Variants in ARHGAP15 observed in about 807,000 individuals in gnomAD.
The protein encoded by ARHGAP15 is Rho GTPase activating protein 15.
Under a neutral mutation model 63.7 loss-of-function variants are expected in ARHGAP15, and 51 were observed. The observed-to-expected ratio is 0.80, with a 90% confidence interval of 0.64 to 1.01. The LOEUF is 1.01. Ranked by LOEUF, ARHGAP15 falls within the 50% of genes least tolerant of loss-of-function variation. The probability of loss-of-function intolerance (pLI) is 0.00; values close to 1 mark genes in which losing one functional copy is unlikely to be tolerated. For synonymous variants in ARHGAP15, 191 were observed against 193.8 expected, an observed-to-expected ratio of 0.99 and a Z score of 0.12; for missense variants, 560 against 564.6, an observed-to-expected ratio of 0.99 and a Z score of 0.08.
rs553558878 is a variant in ARHGAP15 at position 143,163,910 on chromosome 2, C to T, written c.165+8255C>T. On this transcript the variant is annotated intron_variant, in intron 2 of 13. Transcript: ENST00000295095. ...CCTTGAGAATCACACAATTACTTTG[C>T]CTTTCTGCTCCTCAGAGAGTGCAGG... Among the ~76,000 whole-genome samples the T allele has an allele frequency of 3.6e-4, 55 of 152,102 alleles. No individual in the cohort carries two copies. The South Asian group carries it at 6.8e-3, about 19-fold the overall frequency.
At chr2:143,422,744 G>A (rs1688977566) in intron 6 of ARHGAP15, among the ~76,000 whole-genome samples, 1 of 152,140 alleles carries the variant, frequency 6.6e-6, no homozygotes, top group South Asian at 2.1e-4. Context: ...TCAGTGAGGT[G>A]CAATGAGGAT....
At chr2:143,353,316 A>G (rs1479701464) in intron 6 of ARHGAP15, among the ~76,000 whole-genome samples, 1 of 152,138 alleles carries the variant, frequency 6.6e-6, no homozygotes, top group Non-Finnish European at 1.5e-5. Context: ...TAAAAGATTG[A>G]CATTGAATGT....
intron 10 of ARHGAP15, among the ~76,000 whole-genome samples, chr2:143,541,154 G>T (rs1421354382): frequency 2.0e-5 from 3 of 151,954 alleles, no homozygotes; most frequent in Admixed American, 6.6e-5. Context: ...TACCCTTTCT[G>T]CCAGTTGATC....
chr2:143,758,764 T>C (rs1006911495), intron 13 of ARHGAP15, among the ~76,000 whole-genome samples: 13 of 152,176 alleles, frequency 8.5e-5, no homozygotes, highest in Admixed American at 3.3e-4. Flanking sequence ...CTTGATAATC[T>C]GGTGCTGGTT....
At chr2:143,510,735 A>G (rs1034569777) in intron 9 of ARHGAP15, among the ~76,000 whole-genome samples, 1 of 151,932 alleles carries the variant, frequency 6.6e-6, no homozygotes, top group Non-Finnish European at 1.5e-5. Context: ...TAATTGTCTG[A>G]TTTGTTTTTG....
At chr2:143,364,926 A>C (rs2105344323) in intron 6 of ARHGAP15, among the ~76,000 whole-genome samples, 1 of 152,282 alleles carries the variant, frequency 6.6e-6, no homozygotes, top group South Asian at 2.1e-4. Context: ...GAATTGCTTG[A>C]AACCAGGAGG....
chr2:143,672,145 A>C (rs1228318366), intron 12 of ARHGAP15, among the ~76,000 whole-genome samples: 1 of 152,232 alleles, frequency 6.6e-6, no homozygotes, highest in Non-Finnish European at 1.5e-5. Context: ...GATGAATTAC[A>C]TTATTTGGAA....
At chr2:143,348,038 ATGTCCTAAACATAC>A (rs1483971066) in intron 6 of ARHGAP15, among the ~76,000 whole-genome samples, 5 of 152,142 alleles carry the variant, frequency 3.3e-5, no homozygotes, top group Non-Finnish European at 7.4e-5. Flanking sequence ...TTCAACTAGA[ATGTCCTAAACATAC>A]TGTCAGATAT....
intron 10 of ARHGAP15, among the ~76,000 whole-genome samples, chr2:143,544,467 TA>T (rs1445886986): frequency 6.6e-6 from 1 of 152,236 alleles, no homozygotes; most frequent in Non-Finnish European, 1.5e-5. Flanking sequence ...TATATATGTA[TA>T]TACTACACAC....
chr2:143,639,680 T>C (rs568844479), intron 12 of ARHGAP15, among the ~76,000 whole-genome samples: 1 of 152,248 alleles, frequency 6.6e-6, no homozygotes, highest in African/African-American at 2.4e-5. Flanking sequence ...AGAACTTTCA[T>C]CATATGTGTT....
At chr2:143,383,362 T>C (rs1236484616) in intron 6 of ARHGAP15, among the ~76,000 whole-genome samples, 2 of 152,198 alleles carry the variant, frequency 1.3e-5, no homozygotes, top group African/African-American at 4.8e-5. Flanking sequence ...AAGGCAATAC[T>C]TTTATTTGAA....
chr2:143,561,814 A>T (rs1696041920), intron 11 of ARHGAP15, among the ~76,000 whole-genome samples: 1 of 152,072 alleles, frequency 6.6e-6, no homozygotes, highest in Non-Finnish European at 1.5e-5. Context: ...CATGTTTTTC[A>T]TTTATAGAAA....
At chr2:143,158,835 C>G (rs1203832962) in intron 2 of ARHGAP15, among the ~76,000 whole-genome samples, 1 of 151,920 alleles carries the variant, frequency 6.6e-6, no homozygotes, top group African/African-American at 2.4e-5. Flanking sequence ...TGAACTGTGC[C>G]TGTTTAAGGG....
chr2:143,435,548 C>T (rs1689572094), intron 6 of ARHGAP15, 53 bp from the exon 7 acceptor site: 5 of 1,495,854 alleles, frequency 3.3e-6, no homozygotes, highest in Non-Finnish European at 4.4e-6. Context: ...AGAGATCTAT[C>T]TTACATAGTT....
chr2:143,228,461 T>C (rs1423549913), intron 4 of ARHGAP15, 120 bp from the exon 5 acceptor site: 4 of 520,920 alleles, frequency 7.7e-6, no homozygotes, highest in African/African-American at 3.9e-5. Context: ...AGGAGACTTT[T>C]AGCAAGACTG....
intron 6 of ARHGAP15, among the ~76,000 whole-genome samples, chr2:143,330,485 A>G (rs994706286): frequency 6.6e-6 from 1 of 152,194 alleles, no homozygotes; most frequent in African/African-American, 2.4e-5. Flanking sequence ...GTAGCCATGT[A>G]TGATTCCTAA....
At chr2:143,472,569 A>G (rs919996993) in intron 8 of ARHGAP15, among the ~76,000 whole-genome samples, 2 of 152,178 alleles carry the variant, frequency 1.3e-5, no homozygotes, top group Non-Finnish European at 2.9e-5. Context: ...TAAATTATTC[A>G]TATCCTCTTT....
chr2:143,462,603 A>G (rs1425964806), intron 8 of ARHGAP15, among the ~76,000 whole-genome samples: 1 of 152,230 alleles, frequency 6.6e-6, no homozygotes, highest in Non-Finnish European at 1.5e-5. Flanking sequence ...CTCACATATG[A>G]GGGAATGCTA....
intron 11 of ARHGAP15, among the ~76,000 whole-genome samples, chr2:143,605,882 A>AAAAAAAAAAAAAG (rs1347834366): frequency 7.4e-6 from 1 of 134,698 alleles, no homozygotes; most frequent in East Asian, 2.4e-4. Context: ...AAAAAAAAAA[A>AAAAAAAAAAAAAG]AAAATTAGCC....
Sources: allele counts gnomAD v4.1 joint callset (sites outside exome capture counted in the v4.1 genomes callset), GRCh38; gene constraint gnomAD v4.1.1; transcripts MANE v1.5; gene names NCBI Gene and HGNC (gene_info 2026-07-23, HGNC 2026-07-21).